Variants in GCC1 observed in about 807,000 individuals in gnomAD.
GCC1 encodes the protein GRIP and coiled-coil domain containing 1.
GCC1 carries 36 observed loss-of-function variants against 62.5 expected under a neutral mutation model. The observed-to-expected ratio is 0.58, with a 90% confidence interval of 0.44 to 0.76. The LOEUF is 0.76. GCC1 is among the 30% of genes least tolerant of loss of function. GCC1 has a pLI of 0.00. For synonymous variants in GCC1, 391 were observed against 386.8 expected (o/e 1.01, Z -0.13); for missense variants, 885 against 948.3 (o/e 0.93, Z 0.88).
Position 127,582,727 on chromosome 7 carries a change from C to T in GCC1, c.1615G>A (p.Glu539Lys), listed in dbSNP as rs151126177. The change falls in exon 2 of 2, where the codon GAG (glutamate) becomes AAG (lysine). Residue 539 changes from glutamate (E) to lysine (K), a missense_variant. Transcript: ENST00000321407. The surrounding 1 kb of genome is among the most constrained non-coding windows in gnomAD (Gnocchi z 4.8). ...EKYISLRLSC[E>K]ELEHQHQQEA... ...TGCTGGTGTTGGTGCTCCAGCTCCT[C>T]GCAGGAGAGCCGCAGGGAAATATAC... 3.1e-6 allele frequency: 5 copies of T among 1,614,100 alleles called. No homozygotes were observed. The highest frequency in any genetic ancestry group is 2.2e-5 in the East Asian group (1 of 44,878).
rs1794124639 is a variant in GCC1 at position 127,580,782 on chromosome 7, T to C, written c.*1232A>G. On this transcript the variant is annotated 3_prime_UTR_variant, in exon 2 of 2. Coordinates refer to ENST00000321407, the MANE Select transcript of GCC1 (RefSeq NM_024523.6). Reference sequence around the variant, plus strand: ...CAAACCCTCACAAAACAGACCTCTATGATGAAATCACAGAAAGATACATAT... The same window carrying C: ...CAAACCCTCACAAAACAGACCTCTACGATGAAATCACAGAAAGATACATAT... The C allele has an allele frequency of 6.6e-6, 1 of 152,188 alleles. No homozygotes were observed. Among genetic ancestry groups the C allele is most frequent in the Non-Finnish European group, 1.5e-5 (1 of 68,048 alleles). 9.4% of individuals were successfully genotyped at this position (152,188 alleles called of 1,614,324 possible).
In GCC1 at chr7:127,584,155, C is replaced by T. The variant is rs1423378415; in HGVS notation, c.1028G>A (p.Arg343Lys). ...HFQAQLQQEM[R>K]KTALAEDQLR... ...GAAAGAGATATGGATAATTACCTTT[C>T]TCATTTCCTGCTGTAACTGAGCCTG... Residue 343 changes from arginine to lysine, a missense_variant, in exon 1 of 2, where the codon AGA becomes AAA. Coordinates refer to ENST00000321407, the MANE Select transcript of GCC1 (RefSeq NM_024523.6). 6.2e-7 allele frequency: 1 copy of T among 1,613,076 alleles called. No individual in the cohort carries two copies. Among genetic ancestry groups the T allele is most frequent in the South Asian group, 1.1e-5 (1 of 91,026 alleles).
chr7:127,584,491 G>A lies in GCC1; in HGVS notation c.692C>T (p.Thr231Met). Reference protein sequence around the residue: ...QIAETKARLITQQHDRAQEQS... With the variant: ...QIAETKARLIMQQHDRAQEQS... ...CTCTTGGGCCCGATCATGCTGCTGC[G>A]TGATAAGCCGGGCTTTGGTTTCTGC... is the stretch of plus-strand genomic sequence containing the variant. The change falls in exon 1 of 2, where the codon ACG becomes ATG. Residue 231 changes from threonine (T) to methionine (M), a missense_variant. By Grantham distance (81) the Thr-to-Met change is moderately conservative. Coordinates refer to ENST00000321407, the MANE Select transcript of GCC1 (RefSeq NM_024523.6). The A allele has an allele frequency of 6.2e-6, 10 of 1,613,992 alleles. No homozygotes were observed. The highest frequency in any genetic ancestry group is 7.6e-6 in the Non-Finnish European group (9 of 1,180,012).
rs772605757 is a variant in GCC1, at chr7:127,583,009, C to G, written c.1333G>C (p.Val445Leu). Residue 445 changes from valine to leucine, a missense_variant, in exon 2 of 2, where the codon GTT (valine) becomes CTT (leucine). Coordinates refer to ENST00000321407, the MANE Select transcript of GCC1 (RefSeq NM_024523.6). ...KMEKLKRLLQVAARKSQVTLD... is the reference protein window; with the variant it reads ...KMEKLKRLLQLAARKSQVTLD... The stretch of plus-strand genomic sequence containing the variant: ...GTCACCTGGCTTTTCCTGGCCGCAA[C>G]CTGCAGCAGCCTCTTCAGCTTCTCC... The G allele has an allele frequency of 5.0e-6, 8 of 1,613,960 alleles. No individual in the cohort carries two copies. In the South Asian group the frequency reaches 5.5e-5, roughly 11 times the overall value.
Position 127,584,939 on chromosome 7 carries a change from A to G in GCC1, c.244T>C (p.Ser82Pro). 3 of 1,614,154 alleles carry G rather than the reference A, an allele frequency of 1.9e-6. No homozygotes were observed. Among genetic ancestry groups the G allele is most frequent in the Non-Finnish European group, 8.5e-7 (1 of 1,180,024 alleles). ...VQLPGLTFPDSVDDRCSTHSE... is the reference protein window; with the variant it reads ...VQLPGLTFPDPVDDRCSTHSE... The stretch of plus-strand genomic sequence containing the variant: ...TGAGTGGAGCACCGGTCATCCACAG[A>G]GTCAGGAAAGGTGAGGCCTGGAAGC... Residue 82 changes from serine to proline, a missense_variant, in exon 1 of 2, where the codon TCT (serine) becomes CCT (proline). Transcript: ENST00000321407.
At position 127,584,786 on chromosome 7, in the gene GCC1, C is replaced by T. The variant is rs1332102297; in HGVS notation, c.397G>A (p.Ala133Thr). ...RGPPPPKSEE[A>T]SWSESGVSSS... ...CTAACGCCACTCTCGGACCAACTGG[C>T]CTCTTCGGACTTTGGAGGTGGTGGT... Residue 133 changes from alanine (A) to threonine (T), a missense_variant, in exon 1 of 2, where the codon GCC becomes ACC. By Grantham distance (58) the Ala-to-Thr change is moderately conservative (BLOSUM62 0). Coordinates refer to ENST00000321407, the MANE Select transcript of GCC1 (RefSeq NM_024523.6). The T allele has an allele frequency of 6.2e-7, 1 of 1,614,226 alleles. No individual in the cohort carries two copies. Among genetic ancestry groups the T allele is most frequent in the Non-Finnish European group, 8.5e-7 (1 of 1,180,038 alleles).
At position 127,583,120 on chromosome 7, in the gene GCC1, G is replaced by A. The variant is rs951298265; in HGVS notation, c.1222C>T (p.Leu408=). 7 of 1,614,026 alleles carry A rather than the reference G, an allele frequency of 4.3e-6. No homozygotes were observed. In the African/African-American group the frequency reaches 8.0e-5, roughly 18 times the overall value. The part of the protein sequence containing the change: ...ILQLDLENKT[L]ALAASSRSPL... ...GACCTGCTGGAGGCTGCTAGAGCCA[G>A]TGTCTTGTTCTCCAGGTCCAGCTGC... The change falls in exon 2 of 2, where the codon CTG becomes TTG. Residue 408 remains leucine, a synonymous_variant. Transcript: ENST00000321407.
chr7:127,582,205 G>C lies in GCC1; in HGVS notation c.2137C>G (p.Gln713Glu). The stretch of plus-strand genomic sequence containing the variant: ...TCCAGATTGGCTCCCTCCCTGCTCT[G>C]GTCCCTGATGTTCTTTTCGATGTGG... ...QSHIEKNIRD[Q>E]SREGANLEYL... The change falls in exon 2 of 2, where the codon CAG becomes GAG. Residue 713 changes from glutamine (Q) to glutamate (E), a missense_variant. Coordinates refer to ENST00000321407, the MANE Select transcript of GCC1 (RefSeq NM_024523.6). The surrounding 1 kb of genome is among the most constrained non-coding windows in gnomAD (Gnocchi z 4.8). 6.2e-7 allele frequency: 1 copy of C among 1,614,160 alleles called. No individual in the cohort carries two copies. Among genetic ancestry groups the C allele is most frequent in the African/African-American group, 1.3e-5 (1 of 75,026 alleles).
In GCC1 at chr7:127,582,973, C is replaced by G. The variant is rs763757405; in HGVS notation, c.1369G>C (p.Glu457Gln). 1.2e-6 allele frequency: 2 copies of G among 1,614,080 alleles called. No individual in the cohort carries two copies. Among genetic ancestry groups the G allele is most frequent in the African/African-American group, 2.7e-5 (2 of 74,936 alleles). Residue 457 changes from glutamate (E) to glutamine (Q), a missense_variant, in exon 2 of 2, where the codon GAG (glutamate) becomes CAG (glutamine). By Grantham distance (29) the Glu-to-Gln change is conservative. Transcript: ENST00000321407. The surrounding 1 kb of genome is among the most constrained non-coding windows in gnomAD (Gnocchi z 4.8). The part of the protein sequence containing the change: ...ARKSQVTLDV[E>Q]KLCDLEIMPS... ...ATTATCTCCAGGTCACAGAGCTTCT[C>G]CACATCCAGGGTCACCTGGCTTTTC...
rs999024126 is a variant in GCC1 at position 127,582,758 on chromosome 7, C to T, written c.1584G>A (p.Lys528=). 1 of 1,614,212 alleles carries T rather than the reference C, an allele frequency of 6.2e-7. No individual in the cohort carries two copies. The highest frequency in any genetic ancestry group is 8.5e-7 in the Non-Finnish European group (1 of 1,180,048). The change falls in exon 2 of 2, where the codon AAG becomes AAA. Residue 528 remains lysine (K), a synonymous_variant. Transcript: ENST00000321407. The surrounding 1 kb of genome is among the most constrained non-coding windows in gnomAD (Gnocchi z 4.8). ...EAAQEQLAEL[K]EKYISLRLSC... ...AGAGCCGCAGGGAAATATACTTCTC[C>T]TTCAGCTCTGCAAGCTGTTCCTGGG...
Position 127,582,379 on chromosome 7 carries a change from G to C in GCC1, c.1963C>G (p.Leu655Val). 3 of 1,614,222 alleles carry C rather than the reference G, an allele frequency of 1.9e-6. No individual in the cohort carries two copies. The highest frequency in any genetic ancestry group is 2.5e-6 in the Non-Finnish European group (3 of 1,180,038). ...LAAANEPTFFLYAEQLARKEV... is the reference protein window; with the variant it reads ...LAAANEPTFFVYAEQLARKEV... ...TTGCGGGCCAGTTGCTCAGCGTACA[G>C]AAAGAAAGTGGGCTCATTGGCCGCT... is the stretch of plus-strand genomic sequence containing the variant. The change falls in exon 2 of 2, where the codon CTG becomes GTG. Residue 655 changes from leucine to valine, a missense_variant. By Grantham distance (32) the Leu-to-Val change is conservative. Transcript: ENST00000321407. The surrounding 1 kb of genome is among the most constrained non-coding windows in gnomAD (Gnocchi z 4.8).
Position 127,582,923 on chromosome 7 carries a change from C to G in GCC1, c.1419G>C (p.Gly473=). ...GGTAATAGAGTGCAGTAGCCTTCTCCCCATCAGCAGCCTCCGAGCTGGGCA... is the reference window on the plus strand; with the variant it reads ...GGTAATAGAGTGCAGTAGCCTTCTCGCCATCAGCAGCCTCCGAGCTGGGCA... The part of the protein sequence containing the change: ...EIMPSSEAAD[G]EKATALYYQQ... The change falls in exon 2 of 2, where the codon GGG becomes GGC. Residue 473 remains glycine, a synonymous_variant. Transcript: ENST00000321407. This position sits in a 1 kb window ranked among gnomAD's most constrained non-coding sequence, Gnocchi z 4.8. The G allele has an allele frequency of 6.2e-7, 1 of 1,614,214 alleles. No homozygotes were observed. The highest frequency in any genetic ancestry group is 8.5e-7 in the Non-Finnish European group (1 of 1,180,036).
rs760539071 is a variant in GCC1, at chr7:127,582,351, T to G, written c.1991A>C (p.Glu664Ala). The change falls in exon 2 of 2, where the codon GAG (glutamate) becomes GCG (alanine). Residue 664 changes from glutamate (E) to alanine (A), a missense_variant. Physicochemically the swap from Glu to Ala is moderately radical, Grantham distance 107. Transcript: ENST00000321407. The surrounding 1 kb of genome is among the most constrained non-coding windows in gnomAD (Gnocchi z 4.8). ...FLYAEQLARK[E>A]VEITSLRKQK... ...CTTCCTCAGTGATGTGATCTCCACC[T>G]CCTTGCGGGCCAGTTGCTCAGCGTA... 6.2e-6 allele frequency: 10 copies of G among 1,614,102 alleles called. No homozygotes were observed. The highest frequency in any genetic ancestry group is 8.5e-6 in the Non-Finnish European group (10 of 1,180,036).
chr7:127,584,795 A>C lies in GCC1; in HGVS notation c.388T>G (p.Ser130Ala). 2 of 1,613,984 alleles carry C rather than the reference A, an allele frequency of 1.2e-6. No individual in the cohort carries two copies. Among genetic ancestry groups the C allele is most frequent in the Non-Finnish European group, 1.7e-6 (2 of 1,179,994 alleles). The change falls in exon 1 of 2, where the codon TCC (serine) becomes GCC (alanine). Residue 130 changes from serine (S) to alanine (A), a missense_variant. By Grantham distance (99) the Ser-to-Ala change is moderately conservative (BLOSUM62 1). Coordinates refer to ENST00000321407, the MANE Select transcript of GCC1 (RefSeq NM_024523.6). ...RPARGPPPPK[S>A]EEASWSESGV... is the part of the protein sequence containing the mutation. ...CTCTCGGACCAACTGGCCTCTTCGGACTTTGGAGGTGGTGGTCCACGGGCC... is the reference window on the plus strand; with the variant it reads ...CTCTCGGACCAACTGGCCTCTTCGGCCTTTGGAGGTGGTGGTCCACGGGCC...
chr7:127,585,276 G>C lies in GCC1; in HGVS notation c.-94C>G. The C allele has an allele frequency of 2.4e-6, 3 of 1,231,096 alleles. No individual in the cohort carries two copies. Among genetic ancestry groups the C allele is most frequent in the Non-Finnish European group, 2.2e-6 (2 of 890,028 alleles). The allele number at this position is 1,231,096 out of a possible 1,614,324, so 76.3% of individuals were successfully genotyped here. On this transcript the variant is annotated 5_prime_UTR_variant, in exon 1 of 2. Transcript: ENST00000321407. ...CGGGGGCTTAAAGAAACAGCGAGCGGGCTGTCCGGCGGCGGGCCGCACACC... is the reference window on the plus strand; with the variant it reads ...CGGGGGCTTAAAGAAACAGCGAGCGCGCTGTCCGGCGGCGGGCCGCACACC...
rs757848124 is a variant in GCC1 at position 127,582,304 on chromosome 7, C to T, written c.2038G>A (p.Glu680Lys). Reference sequence around the variant, plus strand: ...AGCCGATCCTGCAGCTGATGCACCTCGACCTCCAGCCTGTGCTTCTGCTTC... The same window carrying T: ...AGCCGATCCTGCAGCTGATGCACCTTGACCTCCAGCCTGTGCTTCTGCTTC... ...LRKQKHRLEV[E>K]VHQLQDRLLE... Residue 680 changes from glutamate to lysine, a missense_variant, in exon 2 of 2, where the codon GAG becomes AAG. Transcript: ENST00000321407. This position sits in a 1 kb window ranked among gnomAD's most constrained non-coding sequence, Gnocchi z 4.8. 4.3e-6 allele frequency: 7 copies of T among 1,614,120 alleles called. No homozygotes were observed. Among genetic ancestry groups the T allele is most frequent in the Admixed American group, 1.7e-5 (1 of 60,012 alleles).
At position 127,582,222 on chromosome 7, in the gene GCC1, T is replaced by C. The variant is rs1371120721; in HGVS notation, c.2120A>G (p.Glu707Gly). ...EEVAALQSHIEKNIRDQSREG... is the reference protein window; with the variant it reads ...EEVAALQSHIGKNIRDQSREG... Reference sequence around the variant, plus strand: ...CCTGCTCTGGTCCCTGATGTTCTTTTCGATGTGGCTCTGCAGGGCTGCAAC... The same window carrying C: ...CCTGCTCTGGTCCCTGATGTTCTTTCCGATGTGGCTCTGCAGGGCTGCAAC... Residue 707 changes from glutamate to glycine, a missense_variant, in exon 2 of 2, where the codon GAA becomes GGA. Coordinates refer to ENST00000321407, the MANE Select transcript of GCC1 (RefSeq NM_024523.6). The surrounding 1 kb of genome is among the most constrained non-coding windows in gnomAD (Gnocchi z 4.8). 1.2e-6 allele frequency: 2 copies of C among 1,614,096 alleles called. No homozygotes were observed. Among genetic ancestry groups the C allele is most frequent in the Non-Finnish European group, 1.7e-6 (2 of 1,180,042 alleles).
In GCC1 at chr7:127,583,324, A is replaced by G. The variant is rs1214944032; in HGVS notation, c.1033-15T>C. On this transcript the variant is annotated splice_polypyrimidine_tract_variant and intron_variant, in intron 1 of 1. Transcript: ENST00000321407. Reference sequence around the variant, plus strand: ...GCAAGAGCTGTCTGCAAAACAAGGGAACAGACAAAAATGCATCCACAAAAG... The same window carrying G: ...GCAAGAGCTGTCTGCAAAACAAGGGGACAGACAAAAATGCATCCACAAAAG... 6.4e-7 allele frequency: 1 copy of G among 1,565,504 alleles called. No homozygotes were observed. The highest frequency in any genetic ancestry group is 1.2e-5 in the South Asian group (1 of 85,936).
In GCC1 at chr7:127,585,048, C is replaced by T. The variant is rs199608433; in HGVS notation, c.135G>A (p.Leu45=). 903 of 1,614,190 alleles carry T rather than the reference C, an allele frequency of 5.6e-4. 1 individual carries two copies. Among genetic ancestry groups the T allele is most frequent in the Non-Finnish European group, 6.9e-4 (811 of 1,180,034 alleles). The change falls in exon 1 of 2, where the codon CTG becomes CTA. Residue 45 remains leucine (L), a synonymous_variant. Transcript: ENST00000321407. ...LKDVVRAYKS[L]LKEKEALEAS... is the part of the protein sequence containing the mutation. Reference sequence around the variant, plus strand: ...CCTCTAATGCCTCTTTCTCCTTCAGCAGGCTTTTATAGGCACGGACCACAT... The same window carrying T: ...CCTCTAATGCCTCTTTCTCCTTCAGTAGGCTTTTATAGGCACGGACCACAT...
Sources: gnomAD v4.1 joint callset for allele counts on GRCh38, gnomAD v4.1.1 for gene constraint, Gnocchi (gnomAD v3.1) non-coding constraint, MANE v1.5 for transcripts, NCBI Gene and HGNC (gene_info 2026-07-23, HGNC 2026-07-21) for gene names.